Variants in MAN1C1 observed in about 807,000 individuals in gnomAD.
The protein encoded by MAN1C1 is mannosyl-oligosaccharide 1,2-alpha-mannosidase IC.
A neutral mutation model predicts 71.5 loss-of-function variants in MAN1C1; 49 were observed. That is an observed-to-expected ratio of 0.69 (90% CI 0.54 to 0.87). The LOEUF (loss-of-function observed/expected upper bound fraction) is 0.87, where lower values mean the gene tolerates loss of function less well. Ranked by LOEUF, MAN1C1 falls within the 40% of genes least tolerant of loss-of-function variation. The pLI, the probability that MAN1C1 is intolerant of heterozygous loss-of-function variation, is 0.00. For synonymous variants in MAN1C1, 352 were observed against 343.7 expected (o/e 1.02, Z -0.27); for missense variants, 743 against 835.0 (o/e 0.89, Z 1.36).
intron 1 of MAN1C1, among the ~76,000 whole-genome samples, chr1:25,637,860 A>G (rs1214760278): frequency 1.3e-5 from 2 of 151,846 alleles, no homozygotes; most frequent in Admixed American, 1.3e-4. Flanking sequence ...TAGCCTCTTC[A>G]GCTTTCATAT....
At chr1:25,657,744 T>A (rs2045788181) in intron 1 of MAN1C1, among the ~76,000 whole-genome samples, 1 of 152,224 alleles carries the variant, frequency 6.6e-6, no homozygotes, top group Admixed American at 6.5e-5. Flanking sequence ...CCTTTTGTCA[T>A]GCCCTGTTAC....
chr1:25,680,892 A>C (rs897020485), intron 1 of MAN1C1, among the ~76,000 whole-genome samples: 1 of 152,130 alleles, frequency 6.6e-6, no homozygotes, highest in Admixed American at 6.5e-5. Flanking sequence ...GACTCAGCCC[A>C]TAGTTCTTGT....
At chr1:25,698,880 G>A (rs993778475) in intron 2 of MAN1C1, among the ~76,000 whole-genome samples, 11 of 151,804 alleles carry the variant, frequency 7.2e-5, no homozygotes, top group African/African-American at 1.9e-4. Context: ...CCCTGGAGGC[G>A]GAAGTTGCAG....
chr1:25,649,880 C>T (rs1485691685), intron 1 of MAN1C1, among the ~76,000 whole-genome samples: 1 of 152,166 alleles, frequency 6.6e-6, no homozygotes, highest in African/African-American at 2.4e-5. Context: ...TCAAGTGATC[C>T]GTCTGTCTCA....
intron 2 of MAN1C1, among the ~76,000 whole-genome samples, chr1:25,686,758 G>T (rs530600361): frequency 6.6e-6 from 1 of 152,212 alleles, no homozygotes; most frequent in East Asian, 1.9e-4. Flanking sequence ...CTTAGAGACT[G>T]CTTTGTATGA....
At chr1:25,638,711 T>C (rs1185145316) in intron 1 of MAN1C1, among the ~76,000 whole-genome samples, 1 of 152,152 alleles carries the variant, frequency 6.6e-6, no homozygotes, top group Non-Finnish European at 1.5e-5. Context: ...TCCATTGTCT[T>C]GTAGCCTGAA....
chr1:25,770,016 T>TGCC (rs1015267990), intron 7 of MAN1C1, among the ~76,000 whole-genome samples: 4 of 151,802 alleles, frequency 2.6e-5, no homozygotes, highest in African/African-American at 9.7e-5. Flanking sequence ...TGCTCGTAGC[T>TGCC]GCCGTGCCCA....
chr1:25,758,055 G>A (rs192870304), intron 5 of MAN1C1, among the ~76,000 whole-genome samples: 35 of 152,368 alleles, frequency 2.3e-4, no homozygotes, highest in African/African-American at 7.5e-4. Context: ...CCAGGCCGGG[G>A]CCATTTCATG....
intron 1 of MAN1C1, among the ~76,000 whole-genome samples, chr1:25,635,176 T>G (rs970915184): frequency 1.3e-5 from 2 of 152,132 alleles, no homozygotes; most frequent in Non-Finnish European, 2.9e-5. Flanking sequence ...TCAGCTTCTC[T>G]GTTTTCTGAA....
At chr1:25,682,923 G>A (rs929098580) in intron 1 of MAN1C1, among the ~76,000 whole-genome samples, 4 of 151,702 alleles carry the variant, frequency 2.6e-5, no homozygotes, top group African/African-American at 7.3e-5. Context: ...CTGTAATCCC[G>A]GCTACTCGGG....
At chr1:25,712,032 G>A (rs1021331767) in intron 2 of MAN1C1, among the ~76,000 whole-genome samples, 1 of 152,154 alleles carries the variant, frequency 6.6e-6, no homozygotes, top group Non-Finnish European at 1.5e-5. Context: ...GCTAAGCTGG[G>A]TGAGTTTAGG....
intron 1 of MAN1C1, among the ~76,000 whole-genome samples, chr1:25,642,460 C>G (rs983052297): frequency 1.3e-5 from 2 of 152,196 alleles, no homozygotes; most frequent in African/African-American, 4.8e-5. Context: ...TTGATCAGAT[C>G]AAATCTATCC....
At chr1:25,667,575 C>G (rs936362314) in intron 1 of MAN1C1, among the ~76,000 whole-genome samples, 2 of 151,594 alleles carry the variant, frequency 1.3e-5, no homozygotes, top group Admixed American at 1.3e-4. Context: ...TAGTTCATCA[C>G]GATTACAGCC....
intron 2 of MAN1C1, among the ~76,000 whole-genome samples, chr1:25,698,471 C>T (rs765433355): frequency 4.6e-5 from 7 of 152,116 alleles, no homozygotes; most frequent in Non-Finnish European, 8.8e-5. Context: ...GCCTGCCATG[C>T]GCTACAGACT....
intron 2 of MAN1C1, among the ~76,000 whole-genome samples, chr1:25,706,724 A>C (rs2046528791): frequency 6.6e-6 from 1 of 152,218 alleles, no homozygotes; most frequent in Admixed American, 6.5e-5. Flanking sequence ...GAAGCGGGCC[A>C]CCTGTTTTGC....
rs370364654 is a variant in MAN1C1 at position 25,685,083 on chromosome 1, T to C, written c.541-1357T>C. On this transcript the variant is annotated intron_variant, in intron 1 of 11. Transcript: ENST00000374332. ...ATAGATGAGGCTTGGAGAGCCAGTA[T>C]TTTAAAGGTCAAGGAGGAAATCGAG... 3.9e-4 allele frequency among the ~76,000 whole-genome samples: 59 copies of C among 152,342 alleles called. 2 individuals are homozygous for C. The South Asian group carries it at 0.011, about 29-fold the overall frequency.
rs368454426 is a variant in MAN1C1, at chr1:25,696,934, A to G, written c.637+10398A>G. Among the ~76,000 whole-genome samples the G allele has an allele frequency of 8.5e-5, 13 of 152,360 alleles. No homozygotes were observed. The East Asian group carries it at 2.1e-3, about 25-fold the overall frequency. ...AGTGTTGGGATTACAGGCGTGAGCCACCATGCCTGACTGAGTGGCCACTAT... is the reference window on the plus strand; with the variant it reads ...AGTGTTGGGATTACAGGCGTGAGCCGCCATGCCTGACTGAGTGGCCACTAT... On this transcript the variant is annotated intron_variant, in intron 2 of 11. Coordinates refer to ENST00000374332, the MANE Select transcript of MAN1C1 (RefSeq NM_020379.4).
intron 5 of MAN1C1, among the ~76,000 whole-genome samples, chr1:25,756,356 C>T (rs573569611): frequency 1.3e-5 from 2 of 152,308 alleles, no homozygotes; most frequent in African/African-American, 4.8e-5. Flanking sequence ...CTGCCTGCCT[C>T]TGCCCAGGCC....
chr1:25,663,053 T>C (rs1299215736), intron 1 of MAN1C1, among the ~76,000 whole-genome samples: 1 of 151,020 alleles, frequency 6.6e-6, no homozygotes, highest in Admixed American at 6.6e-5. Flanking sequence ...ATCATGCCAC[T>C]GCACTCCAGC....
Sources: gnomAD v4.1 joint callset for allele counts (sites outside exome capture counted in the v4.1 genomes callset) on GRCh38, gnomAD v4.1.1 for gene constraint, MANE v1.5 for transcripts, NCBI Gene and HGNC (gene_info 2026-07-23, HGNC 2026-07-21) for gene names.